Variants in FAM227B observed in about 807,000 individuals in gnomAD.
The protein encoded by FAM227B is family with sequence similarity 227 member B.
FAM227B carries 88 observed loss-of-function variants against 73.8 expected under a neutral mutation model. That is an observed-to-expected ratio of 1.19 (90% CI 1.00 to 1.42). The LOEUF (loss-of-function observed/expected upper bound fraction) is 1.42, where lower values mean the gene tolerates loss of function less well. FAM227B is among the 40% of genes most tolerant of loss of function. FAM227B has a pLI of 0.00. For synonymous variants in FAM227B, 210 were observed against 190.5 expected (o/e 1.10, Z -0.84); for missense variants, 632 against 590.9 (o/e 1.07, Z -0.72).
At chr15:49,614,937 A>C (rs2078193239) in intron 2 of FAM227B, 184 bp downstream of exon 2, 1 of 631,394 alleles carries the variant, frequency 1.6e-6, no homozygotes, top group Non-Finnish European at 2.9e-6. Flanking sequence ...ACCCTATTAA[A>C]GCTTTCTTCC....
chr15:49,462,070 G>T (rs765745444), intron 11 of FAM227B, among the ~76,000 whole-genome samples: 6 of 152,080 alleles, frequency 3.9e-5, no homozygotes, highest in Non-Finnish European at 7.3e-5. Flanking sequence ...AGTGAGCTGA[G>T]ATCGTGCCAC....
chr15:49,336,542 A>C lies in FAM227B; in HGVS notation c.1272-1046T>G, dbSNP rs149317031. ...CCACTCCCATTGTGAAACAAACTTC[A>C]GTATTACCTTTCTCTGAATATAGTT... On this transcript the variant is annotated intron_variant, in intron 13 of 15. Coordinates refer to ENST00000299338, the MANE Select transcript of FAM227B (RefSeq NM_152647.3). Among the ~76,000 whole-genome samples, 90 of 152,336 alleles carry C rather than the reference A, an allele frequency of 5.9e-4. 1 individual carries two copies. The East Asian group carries it at 0.015, about 25-fold the overall frequency.
intron 5 of FAM227B, among the ~76,000 whole-genome samples, chr15:49,578,600 T>C (rs530119329): frequency 2.2e-4 from 33 of 152,174 alleles, no homozygotes; most frequent in Admixed American, 6.5e-4. Flanking sequence ...ACACATATAT[T>C]AGAAAGAAGA....
chr15:49,520,851 G>A (rs765131260), intron 10 of FAM227B, among the ~76,000 whole-genome samples: 2 of 152,076 alleles, frequency 1.3e-5, no homozygotes, highest in African/African-American at 2.4e-5. Flanking sequence ...CTGGGCCACA[G>A]GAAAGGAAGA....
chr15:49,396,235 G>C, intron 11 of FAM227B: 1 of 361,692 alleles, frequency 2.8e-6, no homozygotes, highest in East Asian at 8.2e-5. Context: ...AAGGGGTGAC[G>C]GACGGCACCT....
chr15:49,561,705 C>T (rs2074274608), intron 9 of FAM227B, among the ~76,000 whole-genome samples: 1 of 152,054 alleles, frequency 6.6e-6, no homozygotes, highest in Admixed American at 6.5e-5. Flanking sequence ...TCTCTCAAAA[C>T]CAGAAAATCA....
chr15:49,407,866 A>G (rs1049837770), intron 11 of FAM227B, among the ~76,000 whole-genome samples: 3 of 151,790 alleles, frequency 2.0e-5, no homozygotes, highest in Non-Finnish European at 4.4e-5. Context: ...TCCCCACTCC[A>G]CATCCGCTGG....
intron 11 of FAM227B, among the ~76,000 whole-genome samples, chr15:49,435,394 G>A (rs2051008135): frequency 1.3e-5 from 2 of 151,544 alleles, no homozygotes; most frequent in African/African-American, 2.4e-5. Flanking sequence ...ATGAGCACTG[G>A]ATCACCTGTT....
At chr15:49,569,876 T>C (rs1173658870) in intron 8 of FAM227B, among the ~76,000 whole-genome samples, 1 of 152,004 alleles carries the variant, frequency 6.6e-6, no homozygotes, top group Non-Finnish European at 1.5e-5. Context: ...CATGTGATGT[T>C]TGTCTTTATG....
intron 14 of FAM227B, among the ~76,000 whole-genome samples, chr15:49,332,533 A>C (rs1011835790): frequency 1.3e-5 from 2 of 152,174 alleles, no homozygotes; most frequent in Admixed American, 1.3e-4. Context: ...CCAGAGATCT[A>C]AGAATGAGGG....
intron 11 of FAM227B, among the ~76,000 whole-genome samples, chr15:49,407,641 T>C (rs1045834524): frequency 2.0e-5 from 3 of 148,048 alleles, no homozygotes; most frequent in Non-Finnish European, 4.5e-5. Flanking sequence ...ATTTAATATA[T>C]ATATTATATT....
In FAM227B at chr15:49,521,071, T is replaced by C. The variant is rs188544446; in HGVS notation, c.875-12723A>G. Among the ~76,000 whole-genome samples the C allele has an allele frequency of 2.8e-3, 433 of 152,280 alleles. 6 individuals carry two copies. Among genetic ancestry groups the C allele is most frequent in the South Asian group, 0.027 (128 of 4,824 alleles). On this transcript the variant is annotated intron_variant, in intron 10 of 15. Transcript: ENST00000299338. ...CAGCACAGGGCAGCCAGATTGTGCA[T>C]GTGTGTTCACGCTCCCCTCAAACCT...
intron 3 of FAM227B, among the ~76,000 whole-genome samples, chr15:49,591,068 CAG>C (rs1567655715): frequency 1.2e-5 from 1 of 85,432 alleles, no homozygotes; most frequent in Non-Finnish European, 2.0e-5. Flanking sequence ...TTTTTTGAGA[CAG>C]AGTCTCGCTC....
At chr15:49,594,282 T>C (rs535479239) in intron 3 of FAM227B, among the ~76,000 whole-genome samples, 2 of 152,288 alleles carry the variant, frequency 1.3e-5, no homozygotes, top group South Asian at 2.1e-4. Context: ...TTATTTCTTT[T>C]TTTTCTTGCT....
intron 11 of FAM227B, among the ~76,000 whole-genome samples, chr15:49,453,392 C>T (rs545158277): frequency 9.9e-5 from 15 of 152,180 alleles, no homozygotes; most frequent in Non-Finnish European, 1.9e-4. Flanking sequence ...GCATGCGCCA[C>T]CGTGCCTGGC....
At position 49,614,126 on chromosome 15, in the gene FAM227B, TA is replaced by T. The variant is rs540813618; in HGVS notation, c.51+994del. On this transcript the variant is annotated intron_variant, in intron 2 of 15. Transcript: ENST00000299338. ...CCAAAAATAATATGCACATTTAAAT[TA>T]AAGGGAATTAGAAAAGTGAAGAAAG... 8.8e-4 allele frequency among the ~76,000 whole-genome samples: 134 copies of T among 152,366 alleles called. 5 individuals carry two copies. The South Asian group carries it at 0.027, about 30-fold the overall frequency.
chr15:49,566,970 A>G (rs1469559759), intron 9 of FAM227B, among the ~76,000 whole-genome samples: 1 of 152,206 alleles, frequency 6.6e-6, no homozygotes, highest in African/African-American at 2.4e-5. Flanking sequence ...GAAACTAAAG[A>G]ATGGGGGATA....
intron 9 of FAM227B, among the ~76,000 whole-genome samples, chr15:49,557,901 G>C (rs1260200174): frequency 1.3e-5 from 2 of 152,176 alleles, no homozygotes; most frequent in Non-Finnish European, 2.9e-5. Context: ...CCCAACAGAG[G>C]CTGCAGCCAT....
chr15:49,367,667 G>GAATAA (rs2045425523), intron 12 of FAM227B, 59 bp from the exon 13 acceptor site: 4 of 1,423,092 alleles, frequency 2.8e-6, no homozygotes, highest in Admixed American at 2.6e-5. Context: ...AAAAAACTGT[G>GAATAA]AATAAAATAT....
Sources: gnomAD v4.1 joint callset for allele counts (sites outside exome capture counted in the v4.1 genomes callset) on GRCh38, gnomAD v4.1.1 for gene constraint, MANE v1.5 for transcripts, NCBI Gene and HGNC (gene_info 2026-07-23, HGNC 2026-07-21) for gene names.